PRKG1: variants seen among roughly 807,000 people sequenced by gnomAD.
PRKG1 encodes the protein cGMP-dependent protein kinase 1.
Under a neutral mutation model 88.1 loss-of-function variants are expected in PRKG1, and 35 were observed. The ratio of observed to expected loss-of-function variants is 0.40; its 90% CI spans 0.30 to 0.53. The LOEUF (loss-of-function observed/expected upper bound fraction) is 0.53. Ranked by LOEUF, PRKG1 falls within the 20% of genes least tolerant of loss-of-function variation. PRKG1 has a pLI of 0.59. For missense variants in PRKG1, 540 were observed against 839.8 expected (o/e 0.64, Z 4.41); for synonymous variants, 303 against 292.5 (o/e 1.04, Z -0.37).
At position 52,271,474 on chromosome 10, in the gene PRKG1, C is replaced by A; in HGVS notation, c.1298C>A (p.Ser433Tyr). ...SEKQIMQGAH[S>Y]DFIVRLYRTF... Reference sequence around the variant, plus strand: ...AAGCAGATCATGCAGGGGGCTCATTCCGATTTCATAGTGAGGTAAAGGCTC... The same window carrying A: ...AAGCAGATCATGCAGGGGGCTCATTACGATTTCATAGTGAGGTAAAGGCTC... The change falls in exon 11 of 18, where the codon TCC becomes TAC. Residue 433 changes from serine (S) to tyrosine (Y), a missense_variant. By Grantham distance (144) the Ser-to-Tyr change is moderately radical. Around this residue, in one of 5 missense-constraint regions of PRKG1, gnomAD observed 400 missense variants for 562.7 expected, o/e 0.71. Coordinates refer to ENST00000373980, the MANE Select transcript of PRKG1 (RefSeq NM_006258.4). 6.2e-7 allele frequency: 1 copy of A among 1,612,446 alleles called. No homozygotes were observed. The highest frequency in any genetic ancestry group is 8.5e-7 in the Non-Finnish European group (1 of 1,179,064).
intron 3 of PRKG1, among the ~76,000 whole-genome samples, chr10:51,680,287 T>TA (rs142604843): frequency 0.15 from 22,048 of 144,828 alleles, 1,848 homozygotes; most frequent in Admixed American, 0.19. Context: ...TAAAGTATAA[T>TA]AAAAAAAAAA....
chr10:51,375,730 A>C (rs1842802855), intron 2 of PRKG1, among the ~76,000 whole-genome samples: 1 of 151,082 alleles, frequency 6.6e-6, no homozygotes, highest in African/African-American at 2.4e-5. Context: ...TAAACATATA[A>C]ATATATAATA....
chr10:51,562,238 G>C (rs1290907296), intron 3 of PRKG1, among the ~76,000 whole-genome samples: 1 of 145,288 alleles, frequency 6.9e-6, no homozygotes, highest in African/African-American at 2.6e-5. Flanking sequence ...AAAAAAAAAT[G>C]CTACTGTAAT....
At chr10:52,094,695 A>G (rs1338376797) in intron 7 of PRKG1, among the ~76,000 whole-genome samples, 2 of 152,290 alleles carry the variant, frequency 1.3e-5, no homozygotes, top group African/African-American at 4.8e-5. Flanking sequence ...CCTGGCTTGC[A>G]GACAGCTGCC....
At chr10:51,850,361 G>A (rs969609824) in intron 4 of PRKG1, among the ~76,000 whole-genome samples, 2 of 152,102 alleles carry the variant, frequency 1.3e-5, no homozygotes, top group Non-Finnish European at 2.9e-5. Flanking sequence ...ATTTTTAGTA[G>A]AGATGGGGTT....
intron 3 of PRKG1, among the ~76,000 whole-genome samples, chr10:51,554,033 ATATAT>A (rs1380359580): frequency 7.8e-6 from 1 of 127,698 alleles, no homozygotes; most frequent in East Asian, 2.2e-4. Context: ...TGATACGTGT[ATATAT>A]TATATGTGCG....
chr10:51,628,073 T>C (rs28524814), intron 3 of PRKG1, among the ~76,000 whole-genome samples: 3 of 134,852 alleles, frequency 2.2e-5, no homozygotes, highest in African/African-American at 7.8e-5. Context: ...TCTTTCCTTC[T>C]TTCTTTCTTT....
chr10:52,026,154 T>A (rs1283689969), intron 5 of PRKG1, among the ~76,000 whole-genome samples: 1 of 152,102 alleles, frequency 6.6e-6, no homozygotes, highest in East Asian at 1.9e-4. Context: ...ATTATAAACA[T>A]TTTAGACTTA....
intron 4 of PRKG1, among the ~76,000 whole-genome samples, chr10:51,860,504 G>A (rs1840845745): frequency 6.6e-6 from 1 of 152,150 alleles, no homozygotes; most frequent in South Asian, 2.1e-4. Flanking sequence ...GCCATACCCA[G>A]TTTCCAAACA....
intron 7 of PRKG1, among the ~76,000 whole-genome samples, chr10:52,112,724 T>C (rs1847592934): frequency 6.6e-6 from 1 of 152,158 alleles, no homozygotes; most frequent in Non-Finnish European, 1.5e-5. Flanking sequence ...CAGAATTTGA[T>C]TGGCCAGCTT....
chr10:52,017,671 G>A (rs1422817987), intron 5 of PRKG1, among the ~76,000 whole-genome samples: 1 of 152,140 alleles, frequency 6.6e-6, no homozygotes, highest in Admixed American at 6.6e-5. Context: ...TATCCAAATG[G>A]TGCAGTTAAT....
intron 4 of PRKG1, among the ~76,000 whole-genome samples, chr10:51,893,308 G>A (rs930772632): frequency 3.9e-5 from 6 of 151,968 alleles, no homozygotes; most frequent in African/African-American, 1.5e-4. Context: ...AAATATTCCT[G>A]TGGTTCCTGA....
At chr10:52,285,842 T>C (rs915060142) in intron 14 of PRKG1, among the ~76,000 whole-genome samples, 5 of 151,700 alleles carry the variant, frequency 3.3e-5, no homozygotes, top group African/African-American at 9.7e-5. Context: ...GAAAATAAAA[T>C]AGTAACAATT....
intron 3 of PRKG1, among the ~76,000 whole-genome samples, chr10:51,799,540 A>G (rs2132601118): frequency 6.6e-6 from 1 of 152,004 alleles, no homozygotes; most frequent in East Asian, 1.9e-4. Flanking sequence ...ATTCTGGAGC[A>G]AGGTCTGTGA....
intron 2 of PRKG1, among the ~76,000 whole-genome samples, chr10:51,207,537 T>A (rs1233260972): frequency 6.6e-6 from 1 of 152,096 alleles, no homozygotes; most frequent in African/African-American, 2.4e-5. Flanking sequence ...CTTGTGGAGT[T>A]GGTTTTCTTA....
At chr10:51,273,537 A>C (rs1840037207) in intron 2 of PRKG1, among the ~76,000 whole-genome samples, 1 of 152,140 alleles carries the variant, frequency 6.6e-6, no homozygotes, top group Non-Finnish European at 1.5e-5. Context: ...ATAAATAAAT[A>C]ATAAAATAAA....
At position 52,272,450 on chromosome 10, in the gene PRKG1, G is replaced by C; in HGVS notation, c.1372G>C (p.Gly458Arg). Reference sequence around the variant, plus strand: ...GTATATGTTGATGGAAGCTTGTCTAGGTGGAGAGCTCTGGACCATTCTCAG... The same window carrying C: ...GTATATGTTGATGGAAGCTTGTCTACGTGGAGAGCTCTGGACCATTCTCAG... ...YLYMLMEACL[G>R]GELWTILRDR... is the part of the protein sequence containing the mutation. The change falls in exon 12 of 18, where the codon GGT becomes CGT. Residue 458 changes from glycine to arginine, a missense_variant. This residue lies in a region of PRKG1 where 400 missense variants were observed against 562.7 expected (regional missense o/e 0.71). Transcript: ENST00000373980. 1 of 1,611,068 alleles carries C rather than the reference G, an allele frequency of 6.2e-7. No homozygotes were observed. The highest frequency in any genetic ancestry group is 8.5e-7 in the Non-Finnish European group (1 of 1,177,872).
At chr10:51,795,476 G>T (rs1476294986) in intron 3 of PRKG1, among the ~76,000 whole-genome samples, 1 of 152,110 alleles carries the variant, frequency 6.6e-6, no homozygotes, top group Non-Finnish European at 1.5e-5. Context: ...GCATGCTCCA[G>T]ATGCATAGTA....
intron 2 of PRKG1, among the ~76,000 whole-genome samples, chr10:51,429,811 A>G (rs1838705856): frequency 6.6e-6 from 1 of 151,464 alleles, no homozygotes; most frequent in Non-Finnish European, 1.5e-5. Flanking sequence ...AAAAAACAGA[A>G]GAAGGAAAAC....
Sources: gnomAD v4.1 joint callset for allele counts (sites outside exome capture counted in the v4.1 genomes callset) on GRCh38, gnomAD v4.1.1 for gene constraint, gnomAD v4.1.1 regional missense constraint, MANE v1.5 for transcripts, NCBI Gene and HGNC (gene_info 2026-07-23, HGNC 2026-07-21) for gene names.